The following KLHDC1 variants were observed in gnomAD, a reference collection of about 807,000 sequenced individuals.
KLHDC1 encodes kelch domain containing 1, also known as kelch domain-containing protein 1.
KLHDC1 carries 53 observed loss-of-function variants against 68.3 expected under a neutral mutation model. The observed-to-expected ratio is 0.78, with a 90% CI of 0.62 to 0.98. The LOEUF is 0.98. Among genes scored for constraint, KLHDC1 ranks in the 50% least tolerant of loss-of-function variants. The pLI is 0.00. For missense variants in KLHDC1, 470 were observed against 492.3 expected, an observed-to-expected ratio of 0.95 and a Z score of 0.43; for synonymous variants, 148 against 159.0, an observed-to-expected ratio of 0.93 and a Z score of 0.52.
intron 4 of KLHDC1, among the ~76,000 whole-genome samples, chr14:49,718,804 T>C (rs1888449850): frequency 7.9e-6 from 1 of 127,032 alleles, no homozygotes; most frequent in African/African-American, 3.0e-5. Flanking sequence ...TGAGTCGTAG[T>C]CTCACTCTGT....
rs1252028575 is a variant in KLHDC1 at position 49,752,426 on chromosome 14, TA to T, written c.*655del. The T allele has an allele frequency of 1.3e-5, 2 of 152,530 alleles. No individual in the cohort carries two copies. Among genetic ancestry groups the T allele is most frequent in the African/African-American group, 4.8e-5 (2 of 41,456 alleles). The allele number at this position is 152,530 out of a possible 1,614,324, so 9.4% of individuals were successfully genotyped here. ...CCCTAAGTTATTAGTTTGTCTAGTT[TA>T]TATATAAAGACCATGTTTTAAAGTA... On this transcript the variant is annotated 3_prime_UTR_variant, in exon 13 of 13. Coordinates refer to ENST00000359332, the MANE Select transcript of KLHDC1 (RefSeq NM_172193.3).
At chr14:49,693,571 A>G (rs993916832) in intron 1 of KLHDC1, among the ~76,000 whole-genome samples, 8 of 151,776 alleles carry the variant, frequency 5.3e-5, no homozygotes, top group African/African-American at 1.2e-4. Flanking sequence ...GGTTTGCCCA[A>G]TGCAAAGGCA....
intron 1 of KLHDC1, 118 bp downstream of exon 1, chr14:49,693,408 C>G: frequency 1.7e-6 from 1 of 602,630 alleles, no homozygotes; most frequent in Non-Finnish European, 2.5e-6. Flanking sequence ...CGCCCGGCGC[C>G]TGCAGCCCCC....
intron 4 of KLHDC1, among the ~76,000 whole-genome samples, chr14:49,714,460 G>A (rs912600424): frequency 6.6e-6 from 1 of 151,330 alleles, no homozygotes; most frequent in Non-Finnish European, 1.5e-5. Flanking sequence ...GTAACAGAGC[G>A]AGACTCTGTC....
intron 10 of KLHDC1, among the ~76,000 whole-genome samples, chr14:49,735,506 T>G (rs1239341975): frequency 6.6e-6 from 1 of 152,156 alleles, no homozygotes; most frequent in Non-Finnish European, 1.5e-5. Context: ...ATATTAATAT[T>G]CACAGTACGT....
At chr14:49,730,635 A>G (rs1755638166) in intron 8 of KLHDC1, among the ~76,000 whole-genome samples, 1 of 152,200 alleles carries the variant, frequency 6.6e-6, no homozygotes, top group Non-Finnish European at 1.5e-5. Context: ...AACATGCATA[A>G]ACAACTCACA....
At chr14:49,724,564 TAC>T (rs202040227) in intron 5 of KLHDC1, among the ~76,000 whole-genome samples, 6 of 151,684 alleles carry the variant, frequency 4.0e-5, no homozygotes, top group South Asian at 2.1e-4. Flanking sequence ...TATATATATA[TAC>T]ACACACACAC....
chr14:49,734,706 A>T (rs1339771771), intron 10 of KLHDC1, 45 bp downstream of exon 10: 1 of 1,104,258 alleles, frequency 9.1e-7, no homozygotes, highest in Non-Finnish European at 1.3e-6. Context: ...AAGAATTTTT[A>T]AAGTATTAAA....
chr14:49,734,843 TG>T (rs1412007045), intron 10 of KLHDC1, among the ~76,000 whole-genome samples, 182 bp downstream of exon 10: 71 of 152,290 alleles, frequency 4.7e-4, no homozygotes, highest in African/African-American at 1.7e-3. Context: ...TTGTTAGAAA[TG>T]ATCTATCCAG....
intron 10 of KLHDC1, 85 bp downstream of exon 10, chr14:49,734,746 T>G (rs1888894313): frequency 1.7e-5 from 10 of 596,938 alleles, no homozygotes; most frequent in Non-Finnish European, 2.8e-5. Flanking sequence ...GTGTTTGCCA[T>G]TGAAACCATA....
intron 8 of KLHDC1, among the ~76,000 whole-genome samples, chr14:49,730,296 C>T (rs925723884): frequency 7.1e-3 from 3 of 422 alleles, no homozygotes; most frequent in South Asian, 0.12. Flanking sequence ...GGTCTCAGCT[C>T]ACTGCAACCT....
chr14:49,706,566 C>T (rs1248265999), intron 1 of KLHDC1, among the ~76,000 whole-genome samples: 8 of 152,180 alleles, frequency 5.3e-5, no homozygotes, highest in Admixed American at 3.3e-4. Flanking sequence ...AACTGTTCTC[C>T]ATAGTAGTTG....
At chr14:49,700,506 C>T (rs1256748382) in intron 1 of KLHDC1, among the ~76,000 whole-genome samples, 1 of 152,148 alleles carries the variant, frequency 6.6e-6, no homozygotes. Context: ...ATCACTTGAG[C>T]CCATGTGTTC....
At chr14:49,712,764 A>G (rs925140422) in intron 4 of KLHDC1, among the ~76,000 whole-genome samples, 2 of 151,864 alleles carry the variant, frequency 1.3e-5, no homozygotes, top group Non-Finnish European at 2.9e-5. Context: ...CCACCTCCCA[A>G]AGTGCTGGGA....
intron 11 of KLHDC1, among the ~76,000 whole-genome samples, chr14:49,742,441 G>A (rs1306326193): frequency 4.0e-5 from 6 of 151,264 alleles, no homozygotes; most frequent in African/African-American, 1.5e-4. Flanking sequence ...AAGCTGAGGT[G>A]GGCAGATCAC....
chr14:49,743,885 AT>A, intron 12 of KLHDC1, 80 bp downstream of exon 12: 1 of 828,714 alleles, frequency 1.2e-6, no homozygotes, highest in Admixed American at 2.5e-5. Context: ...GCATTGAAAT[AT>A]TTTTCAGGTT....
At chr14:49,715,519 G>A (rs1003531626) in intron 4 of KLHDC1, among the ~76,000 whole-genome samples, 5 of 151,014 alleles carry the variant, frequency 3.3e-5, no homozygotes, top group Non-Finnish European at 5.9e-5. Flanking sequence ...GGCCAAGGCG[G>A]GCAGATTACT....
At chr14:49,739,982 T>C (rs1018937979) in intron 10 of KLHDC1, 116 bp from the exon 11 acceptor site, 2 of 578,328 alleles carry the variant, frequency 3.5e-6, no homozygotes, top group Non-Finnish European at 6.0e-6. Flanking sequence ...TCAAGTTCAA[T>C]CGTGTCTCTT....
chr14:49,736,197 G>T (rs528537939), intron 10 of KLHDC1, among the ~76,000 whole-genome samples: 29 of 152,164 alleles, frequency 1.9e-4, no homozygotes, highest in African/African-American at 5.5e-4. Flanking sequence ...TTAATGAGTA[G>T]AGCAACACAA....
Sources: allele counts gnomAD v4.1 joint callset (sites outside exome capture counted in the v4.1 genomes callset), GRCh38; gene constraint gnomAD v4.1.1; transcripts MANE v1.5; gene names NCBI Gene and HGNC (gene_info 2026-07-23, HGNC 2026-07-21).